The following RIMBP2 variants were observed in gnomAD, a reference collection of about 807,000 sequenced individuals.
The protein encoded by RIMBP2 is RIMS-binding protein 2.
In RIMBP2, 48 loss-of-function variants were observed where a neutral mutation model predicts 118.6. The observed-to-expected ratio is 0.40, with a 90% confidence interval of 0.32 to 0.51. RIMBP2 has a LOEUF of 0.51. Among genes scored for constraint, RIMBP2 ranks in the 20% least tolerant of loss-of-function variants. The pLI, the probability that RIMBP2 is intolerant of heterozygous loss-of-function variation, is 0.41. For missense variants in RIMBP2, 1,551 were observed against 1,768.3 expected, an observed-to-expected ratio of 0.88 and a Z score of 2.20; for synonymous variants, 762 against 742.9, an observed-to-expected ratio of 1.03 and a Z score of -0.42.
intron 4 of RIMBP2, among the ~76,000 whole-genome samples, chr12:130,492,408 A>G (rs970950255): frequency 6.6e-6 from 1 of 152,154 alleles, no homozygotes; most frequent in African/African-American, 2.4e-5. Flanking sequence ...ACTGGGAAAA[A>G]AAATGGATCC....
intron 2 of RIMBP2, among the ~76,000 whole-genome samples, chr12:130,544,639 G>C (rs1470643811): frequency 1.8e-5 from 2 of 110,206 alleles, no homozygotes; most frequent in Non-Finnish European, 3.4e-5. Flanking sequence ...TCACTCCATT[G>C]CTCAGGCTGG....
intron 7 of RIMBP2, among the ~76,000 whole-genome samples, chr12:130,453,233 C>A (rs975152164): frequency 6.6e-6 from 1 of 152,220 alleles, no homozygotes; most frequent in Non-Finnish European, 1.5e-5. Flanking sequence ...CCTGCCCTCA[C>A]ATACTGACTG....
chr12:130,480,084 G>A (rs1198646740), intron 4 of RIMBP2, among the ~76,000 whole-genome samples: 1 of 151,924 alleles, frequency 6.6e-6, no homozygotes, highest in Non-Finnish European at 1.5e-5. Flanking sequence ...GCGGGCGGGT[G>A]GGTAGTCACA....
At chr12:130,481,723 T>C (rs1403383890) in intron 4 of RIMBP2, among the ~76,000 whole-genome samples, 4 of 152,178 alleles carry the variant, frequency 2.6e-5, no homozygotes, top group Non-Finnish European at 5.9e-5. Context: ...GGAAACACCA[T>C]GCTTGTATCT....
intron 2 of RIMBP2, among the ~76,000 whole-genome samples, chr12:130,531,246 G>A (rs1038604716): frequency 5.9e-5 from 9 of 152,076 alleles, no homozygotes; most frequent in Admixed American, 1.3e-4. Context: ...CTCCATTAAC[G>A]TTTACAAAGT....
In RIMBP2 at chr12:130,617,041, G is replaced by A. The variant is rs1344186743; in HGVS notation, c.-217+11281C>T. Among the ~76,000 whole-genome samples the A allele has an allele frequency of 6.6e-6, 1 of 152,140 alleles. No individual in the cohort carries two copies. The highest frequency in any genetic ancestry group is 1.5e-5 in the Non-Finnish European group (1 of 68,010). On this transcript the variant is annotated intron_variant, in intron 2 of 22. Coordinates refer to ENST00000690449, the MANE Select transcript of RIMBP2 (RefSeq NM_001393629.1). This position sits in a 1 kb window ranked among gnomAD's most constrained non-coding sequence, Gnocchi z 4.6. ...AGAGGCCCCCATGTCCCACTGATGA[G>A]AGGTTCCACCCCATCTCTCATTTTT...
rs35015661 is a variant in RIMBP2 at position 130,409,332 on chromosome 12, C to CTTT, written c.3590-1506_3590-1504dup. On this transcript the variant is annotated intron_variant, in intron 19 of 22. Transcript: ENST00000690449. ...TAAAAGGGACTCATACAAAATGTAG[C>CTTT]TTTTTTTTTTTTTTTTTTTTTTTTT... is the stretch of plus-strand genomic sequence containing the variant. 3.9e-3 allele frequency among the ~76,000 whole-genome samples: 255 copies of CTTT among 65,408 alleles called. 55 individuals are homozygous for CTTT. Among genetic ancestry groups the CTTT allele is most frequent in the Non-Finnish European group, 6.1e-3 (212 of 34,636 alleles). The allele number at this position is 65,408 out of a possible 152,430, so 42.9% of individuals were successfully genotyped here.
intron 11 of RIMBP2, among the ~76,000 whole-genome samples, chr12:130,441,191 A>G (rs1253763877): frequency 6.6e-6 from 1 of 152,028 alleles, no homozygotes. Flanking sequence ...TCACGAGGTC[A>G]AGAGTTTGAG....
chr12:130,668,992 A>C (rs1455343243), intron 1 of RIMBP2: 1 of 152,270 alleles, frequency 6.6e-6, no homozygotes, highest in Non-Finnish European at 1.5e-5. Context: ...AACTTAAACA[A>C]ACAGGTTATA....
intron 2 of RIMBP2, among the ~76,000 whole-genome samples, chr12:130,614,733 G>A (rs762637673): frequency 1.3e-5 from 2 of 152,056 alleles, no homozygotes; most frequent in Admixed American, 6.6e-5. Context: ...TGGTGTATCC[G>A]TGCCACAGAC....
At chr12:130,588,465 C>T (rs1225070048) in intron 2 of RIMBP2, among the ~76,000 whole-genome samples, 1 of 152,132 alleles carries the variant, frequency 6.6e-6, no homozygotes, top group Non-Finnish European at 1.5e-5. Context: ...TGAGAAAAGC[C>T]AACTGCAATC....
chr12:130,490,620 A>G (rs1196666654), intron 4 of RIMBP2, among the ~76,000 whole-genome samples: 1 of 152,198 alleles, frequency 6.6e-6, no homozygotes, highest in Non-Finnish European at 1.5e-5. Context: ...AGGTTCGGTA[A>G]GTTCCAGCTG....
At chr12:130,663,849 G>T (rs992914047) in intron 1 of RIMBP2, among the ~76,000 whole-genome samples, 4 of 151,608 alleles carry the variant, frequency 2.6e-5, no homozygotes, top group Non-Finnish European at 5.9e-5. Flanking sequence ...CATATGCACA[G>T]GTTATTCCAT....
Position 130,506,852 on chromosome 12 carries a change from A to G in RIMBP2, c.-126-82T>C, listed in dbSNP as rs754292930. The G allele has an allele frequency of 4.8e-4, 452 of 945,768 alleles. 1 individual carries two copies. Among genetic ancestry groups the G allele is most frequent in the South Asian group, 7.8e-4 (16 of 20,490 alleles). 58.6% of individuals were successfully genotyped at this position (945,768 alleles called of 1,614,324 possible). ...ATCCGTTGCTTCCTCTTTAGGAGCA[A>G]AATCTTCAATTTCCTCCTAGAGAAT... On this transcript the variant is annotated intron_variant, in intron 3 of 22. Transcript: ENST00000690449.
chr12:130,499,077 G>A, intron 4 of RIMBP2, among the ~76,000 whole-genome samples: 1 of 152,198 alleles, frequency 6.6e-6, no homozygotes, highest in Middle Eastern at 3.2e-3. Flanking sequence ...GAAGGCAAAG[G>A]AAACGCAGGC....
chr12:130,424,538 G>T lies in RIMBP2; in HGVS notation c.2733C>A (p.Arg911=). 1 of 1,231,990 alleles carries T rather than the reference G, an allele frequency of 8.1e-7. No homozygotes were observed. The highest frequency in any genetic ancestry group is 1.0e-6 in the Non-Finnish European group (1 of 987,844). The allele number at this position is 1,231,990 out of a possible 1,614,324, so 76.3% of individuals were successfully genotyped here. The change falls in exon 16 of 23, where the codon CGC becomes CGA. Residue 911 remains arginine, a synonymous_variant. Transcript: ENST00000690449. This position sits in a 1 kb window ranked among gnomAD's most constrained non-coding sequence, Gnocchi z 9.8. The part of the protein sequence containing the change: ...LLEDRGCRFS[R]SATRSPDSGL... ...CGCTGTCCGGGCTCCGGGTGGCCGA[G>T]CGGCTGAACCGACAGCCCCTGTCTT... is the stretch of plus-strand genomic sequence containing the variant.
chr12:130,509,726 G>GCCCGC (rs376019473), intron 3 of RIMBP2, among the ~76,000 whole-genome samples: 43 of 148,036 alleles, frequency 2.9e-4, no homozygotes, highest in Non-Finnish European at 4.0e-4. Flanking sequence ...CATGCCCTCT[G>GCCCGC]CCCCCCCGCC....
chr12:130,609,109 C>T (rs1474641560), intron 2 of RIMBP2, among the ~76,000 whole-genome samples: 2 of 152,102 alleles, frequency 1.3e-5, no homozygotes. Flanking sequence ...TATGGAGGTT[C>T]CTCAAAAAGC....
At chr12:130,662,151 G>C (rs7953469) in intron 1 of RIMBP2, among the ~76,000 whole-genome samples, 1 of 32,948 alleles carries the variant, frequency 3.0e-5, no homozygotes, top group Non-Finnish European at 1.0e-4. Context: ...CAAGACCTGG[G>C]GTCTCCAACA....
Sources: allele counts gnomAD v4.1 joint callset (sites outside exome capture counted in the v4.1 genomes callset), GRCh38; gene constraint gnomAD v4.1.1; non-coding constraint Gnocchi (gnomAD v3.1); transcripts MANE v1.5; gene names NCBI Gene and HGNC (gene_info 2026-07-23, HGNC 2026-07-21).